NR1H2: variants seen among roughly 807,000 people sequenced by gnomAD.
NR1H2 encodes oxysterols receptor LXR-beta.
A neutral mutation model predicts 51.2 loss-of-function variants in NR1H2; 33 were observed. That is an observed-to-expected ratio of 0.64 (90% confidence interval 0.49 to 0.86). NR1H2 has a LOEUF of 0.86. Ranked by LOEUF, NR1H2 falls within the 40% of genes least tolerant of loss-of-function variation. NR1H2 has a pLI of 0.00. For synonymous variants in NR1H2, 310 were observed against 264.3 expected, an observed-to-expected ratio of 1.17 and a Z score of -1.68; for missense variants, 592 against 639.9, an observed-to-expected ratio of 0.93 and a Z score of 0.81.
rs1568594967 is a variant in NR1H2 at position 50,379,033 on chromosome 19, G to A, written c.779G>A (p.Arg260Gln). 25 of 1,612,876 alleles carry A rather than the reference G, an allele frequency of 1.6e-5. No homozygotes were observed. The highest frequency in any genetic ancestry group is 2.1e-5 in the Non-Finnish European group (25 of 1,179,732). ...CCCCTGGGCGCAGACCCCCAGTCCCGAGATGCCCGCCAGCAACGCTTTGCC... is the reference window on the plus strand; with the variant it reads ...CCCCTGGGCGCAGACCCCCAGTCCCAAGATGCCCGCCAGCAACGCTTTGCC... ...PWPLGADPQS[R>Q]DARQQRFAHF... Residue 260 changes from arginine (R) to glutamine (Q), a missense_variant, in exon 7 of 10, where the codon CGA becomes CAA. By Grantham distance (43) the Arg-to-Gln change is conservative. This residue lies in a region of NR1H2 where 102 missense variants were observed against 152.4 expected (regional missense o/e 0.67). Transcript: ENST00000253727.
At position 50,378,828 on chromosome 19, in the gene NR1H2, G is replaced by A. The variant is rs369140756; in HGVS notation, c.747+32G>A. ...CCCCCTCCACAACCTTGAGTGTGAC[G>A]GTCCCAATGGGGTAGAGCCAGCTGG... On this transcript the variant is annotated intron_variant, in intron 6 of 9. Coordinates refer to ENST00000253727, the MANE Select transcript of NR1H2 (RefSeq NM_007121.7). 6.9e-6 allele frequency: 11 copies of A among 1,600,906 alleles called. No individual in the cohort carries two copies. In the South Asian group the frequency reaches 7.8e-5, roughly 11 times the overall value.
In NR1H2 at chr19:50,382,828, C is replaced by T. The variant is rs993127837; in HGVS notation, c.*226C>T. On this transcript the variant is annotated 3_prime_UTR_variant, in exon 10 of 10. Transcript: ENST00000253727. Reference sequence around the variant, plus strand: ...TTGCAGGTCCCGACCACTGACCCTTCCCGGCTGCCCTCCCTCCCCAGCTTA... The same window carrying T: ...TTGCAGGTCCCGACCACTGACCCTTTCCGGCTGCCCTCCCTCCCCAGCTTA... 14 of 450,214 alleles carry T rather than the reference C, an allele frequency of 3.1e-5. No homozygotes were observed. Among genetic ancestry groups the T allele is most frequent in the Non-Finnish European group, 5.5e-5 (14 of 255,030 alleles). 27.9% of individuals were successfully genotyped at this position (450,214 alleles called of 1,614,324 possible).
intron 7 of NR1H2, 60 bp downstream of exon 7, chr19:50,379,241 C>A (rs753365710): frequency 6.6e-7 from 1 of 1,524,388 alleles, no homozygotes; most frequent in Non-Finnish European, 8.9e-7. Flanking sequence ...ATGCTGGGAG[C>A]AGAGTTAAGG....
At chr19:50,378,479 C>A (rs751363555) in intron 5 of NR1H2, 40 bp downstream of exon 5, 8 of 1,578,894 alleles carry the variant, frequency 5.1e-6, no homozygotes, top group Non-Finnish European at 6.9e-6. Context: ...CCTGGCCCCC[C>A]GCCTAGCCCT....
At position 50,380,048 on chromosome 19, in the gene NR1H2, C is replaced by T. The variant is rs2037740973; in HGVS notation, c.1027+169C>T. 3.9e-5 allele frequency among the ~76,000 whole-genome samples: 6 copies of T among 152,250 alleles called. No homozygotes were observed. The South Asian group carries it at 6.2e-4, about 16-fold the overall frequency. On this transcript the variant is annotated intron_variant, in intron 8 of 9. Transcript: ENST00000253727. ...TGCATGTGCCACGTGTGGTGGTGCA[C>T]GCCAATAGTCCCAGCCACTCGAGGC...
At position 50,379,152 on chromosome 19, in the gene NR1H2, A is replaced by G. The variant is rs1442877789; in HGVS notation, c.898A>G (p.Ile300Val). The change falls in exon 7 of 10, where the codon ATC (isoleucine) becomes GTC (valine). Residue 300 changes from isoleucine (I) to valine (V), a missense_variant. Around this residue, in one of 3 missense-constraint regions of NR1H2, gnomAD observed 102 missense variants for 152.4 expected, o/e 0.67. Coordinates refer to ENST00000253727, the MANE Select transcript of NR1H2 (RefSeq NM_007121.7). ...CCTGCAGCTGGGCCGGGAGGACCAG[A>G]TCGCCCTCCTGAAGGCATCCACTAT... ...GFLQLGREDQ[I>V]ALLKASTIEI... is the part of the protein sequence containing the mutation. 10 of 1,613,300 alleles carry G rather than the reference A, an allele frequency of 6.2e-6. No individual in the cohort carries two copies. The highest frequency in any genetic ancestry group is 1.1e-5 in the South Asian group (1 of 91,060).
At position 50,382,516 on chromosome 19, in the gene NR1H2, G is replaced by A; in HGVS notation, c.1297G>A (p.Val433Met). The change falls in exon 10 of 10, where the codon GTG (valine) becomes ATG (methionine). Residue 433 changes from valine to methionine, a missense_variant. Transcript: ENST00000253727. ...KLVSLRTLSS[V>M]HSEQVFALRL... Reference sequence around the variant, plus strand: ...GGTGAGCCTGCGCACGCTGAGCTCTGTGCACTCGGAGCAGGTCTTCGCCTT... The same window carrying A: ...GGTGAGCCTGCGCACGCTGAGCTCTATGCACTCGGAGCAGGTCTTCGCCTT... 2 of 1,611,124 alleles carry A rather than the reference G, an allele frequency of 1.2e-6. No individual in the cohort carries two copies. The highest frequency in any genetic ancestry group is 1.7e-6 in the Non-Finnish European group (2 of 1,179,086).
intron 8 of NR1H2, 104 bp from the exon 9 acceptor site, chr19:50,381,862 T>G: frequency 1.0e-6 from 1 of 976,414 alleles, no homozygotes; most frequent in Non-Finnish European, 1.5e-6. Context: ...ACGCTGTAAT[T>G]ACTGCTGTGT....
In NR1H2 at chr19:50,382,039, T is replaced by C. The variant is rs1482777267; in HGVS notation, c.1101T>C (p.Ala367=). Residue 367 remains alanine (A), a synonymous_variant, in exon 9 of 10, where the codon GCT becomes GCC. Coordinates refer to ENST00000253727, the MANE Select transcript of NR1H2 (RefSeq NM_007121.7). ...RAMRRLGLDD[A]EYALLIAINI... is the part of the protein sequence containing the mutation. Reference sequence around the variant, plus strand: ...TGCGGCGGCTGGGCCTGGACGACGCTGAGTACGCCCTGCTCATCGCCATCA... The same window carrying C: ...TGCGGCGGCTGGGCCTGGACGACGCCGAGTACGCCCTGCTCATCGCCATCA... The C allele has an allele frequency of 1.4e-5, 22 of 1,563,600 alleles. No individual in the cohort carries two copies. The highest frequency in any genetic ancestry group is 2.3e-5 in the South Asian group (2 of 85,268).
Position 50,382,711 on chromosome 19 carries a change from A to G in NR1H2, c.*109A>G, listed in dbSNP as rs1173153511. 3.4e-6 allele frequency: 4 copies of G among 1,190,644 alleles called. No homozygotes were observed. The highest frequency in any genetic ancestry group is 4.6e-6 in the Non-Finnish European group (4 of 863,520). The allele number at this position is 1,190,644 out of a possible 1,614,324, so 73.8% of individuals were successfully genotyped here. ...AAGGGGCCCTGGGCCGAGCCTGTAG[A>G]CCTATCGGCTCTCATCCCTTGGGAT... On this transcript the variant is annotated 3_prime_UTR_variant, in exon 10 of 10. Coordinates refer to ENST00000253727, the MANE Select transcript of NR1H2 (RefSeq NM_007121.7).
Position 50,379,272 on chromosome 19 carries a change from T to C in NR1H2, c.927+91T>C, listed in dbSNP as rs1432007581. 42 of 1,331,184 alleles carry C rather than the reference T, an allele frequency of 3.2e-5. No homozygotes were observed. The East Asian group carries it at 9.9e-4, about 31-fold the overall frequency. 82.5% of individuals were successfully genotyped at this position (1,331,184 alleles called of 1,614,324 possible). A position where few individuals can be genotyped will look rare whatever the true frequency, so the allele number is the denominator to read the frequency against. ...TAAGGAAGACCAGTGCTTGCCGTTG[T>C]AGGATGACATTCCACGGCGAATAGA... is the stretch of plus-strand genomic sequence containing the variant. On this transcript the variant is annotated intron_variant, in intron 7 of 9. Coordinates refer to ENST00000253727, the MANE Select transcript of NR1H2 (RefSeq NM_007121.7).
At chr19:50,377,982 C>T in intron 4 of NR1H2, 112 bp downstream of exon 4, 1 of 1,443,854 alleles carries the variant, frequency 6.9e-7, no homozygotes, top group Non-Finnish European at 9.2e-7. Flanking sequence ...TTCTTGCTTT[C>T]TCCTTAACAT....
chr19:50,379,169 A>G lies in NR1H2; in HGVS notation c.915A>G (p.Ala305=). Reference sequence around the variant, plus strand: ...AGGACCAGATCGCCCTCCTGAAGGCATCCACTATCGAGGTAATGGTCCATC... The same window carrying G: ...AGGACCAGATCGCCCTCCTGAAGGCGTCCACTATCGAGGTAATGGTCCATC... ...GREDQIALLK[A]STIEIMLLET... Residue 305 remains alanine, a synonymous_variant, in exon 7 of 10, where the codon GCA becomes GCG. Transcript: ENST00000253727. The G allele has an allele frequency of 1.2e-6, 2 of 1,611,932 alleles. No individual in the cohort carries two copies. The highest frequency in any genetic ancestry group is 1.7e-6 in the Non-Finnish European group (2 of 1,178,964).
chr19:50,381,177 C>T lies in NR1H2; in HGVS notation c.1028-789C>T, dbSNP rs563773914. On this transcript the variant is annotated intron_variant, in intron 8 of 9. Transcript: ENST00000253727. The stretch of plus-strand genomic sequence containing the variant: ...TTCCTCTGCCCAGAACTAGGGGGAC[C>T]AACTGGTCCTAGTTTGCCCAGGACC... Among the ~76,000 whole-genome samples the T allele has an allele frequency of 1.8e-3, 279 of 152,328 alleles. 1 individual carries two copies. Among genetic ancestry groups the T allele is most frequent in the Non-Finnish European group, 2.1e-3 (146 of 68,022 alleles).
rs1231648548 is a variant in NR1H2, at chr19:50,377,838, A to G, written c.149A>G (p.Asp50Gly). The G allele has an allele frequency of 6.2e-7, 1 of 1,600,778 alleles. No homozygotes were observed. The highest frequency in any genetic ancestry group is 2.2e-5 in the East Asian group (1 of 44,764). ...CCGGACCCTGATGTCCCAGGCACTG[A>G]TGAGGCCAGCTCAGCCTGCAGCACA... ...GGPDPDVPGT[D>G]EASSACSTDW... The change falls in exon 4 of 10, where the codon GAT (aspartate) becomes GGT (glycine). Residue 50 changes from aspartate to glycine, a missense_variant. Physicochemically the swap from Asp to Gly is moderately conservative, Grantham distance 94 (BLOSUM62 -1). Around this residue, in one of 3 missense-constraint regions of NR1H2, gnomAD observed 316 missense variants for 313.4 expected, o/e 1.01. Coordinates refer to ENST00000253727, the MANE Select transcript of NR1H2 (RefSeq NM_007121.7).
intron 7 of NR1H2, among the ~76,000 whole-genome samples, 191 bp downstream of exon 7, chr19:50,379,372 A>G (rs1481427528): frequency 1.3e-5 from 2 of 152,222 alleles, no homozygotes; most frequent in African/African-American, 4.8e-5. Context: ...TAGAGGCGCT[A>G]TTGCAGAGAA....
intron 4 of NR1H2, 50 bp from the exon 5 acceptor site, chr19:50,378,098 GT>G (rs1426932458): frequency 6.4e-6 from 10 of 1,557,002 alleles, no homozygotes; most frequent in Non-Finnish European, 7.8e-6. Context: ...CATCTCTCTG[GT>G]TCCTGTTTCT....
intron 7 of NR1H2, 110 bp downstream of exon 7, chr19:50,379,291 G>A (rs777197584): frequency 1.9e-5 from 22 of 1,178,190 alleles, no homozygotes; most frequent in Admixed American, 5.2e-5. Context: ...ATTCCACGGC[G>A]AATAGAGTCT....
intron 8 of NR1H2, 99 bp downstream of exon 8, chr19:50,379,978 C>A: frequency 1.2e-6 from 1 of 821,820 alleles, no homozygotes; most frequent in Non-Finnish European, 2.1e-6. Flanking sequence ...TCTTTATCTC[C>A]AAAGTTGGGG....
Sources: allele counts gnomAD v4.1 joint callset (sites outside exome capture counted in the v4.1 genomes callset), GRCh38; gene constraint gnomAD v4.1.1; regional missense constraint gnomAD v4.1.1; transcripts MANE v1.5; gene names NCBI Gene and HGNC (gene_info 2026-07-23, HGNC 2026-07-21).